The following BICDL1 variants were observed in gnomAD, a reference collection of about 807,000 sequenced individuals.
BICDL1 encodes the protein BICD family-like cargo adapter 1.
Under a neutral mutation model 76.8 loss-of-function variants are expected in BICDL1, and 20 were observed. That is an observed-to-expected ratio of 0.26 (90% CI 0.18 to 0.38). The LOEUF (loss-of-function observed/expected upper bound fraction) is 0.38. Among genes scored for constraint, BICDL1 ranks in the 10% least tolerant of loss-of-function variants. The pLI is 1.00. For synonymous variants in BICDL1, 383 were observed against 337.1 expected, an observed-to-expected ratio of 1.14 and a Z score of -1.49; for missense variants, 700 against 798.6, an observed-to-expected ratio of 0.88 and a Z score of 1.49.
intron 2 of BICDL1, among the ~76,000 whole-genome samples, chr12:120,012,631 A>G (rs971582507): frequency 6.6e-6 from 1 of 152,212 alleles, no homozygotes; most frequent in Non-Finnish European, 1.5e-5. Flanking sequence ...TTCCCTTTAC[A>G]TTAATGATAA....
rs1461880544 is a variant in BICDL1 at position 120,094,473 on chromosome 12, G to C, written c.*1312G>C. The C allele has an allele frequency of 9.9e-6, 3 of 303,312 alleles. No individual in the cohort carries two copies. Among genetic ancestry groups the C allele is most frequent in the Middle Eastern group, 1.3e-3 (1 of 800 alleles). 18.8% of individuals were successfully genotyped at this position (303,312 alleles called of 1,614,324 possible). On this transcript the variant is annotated 3_prime_UTR_variant, in exon 10 of 10. Coordinates refer to ENST00000548673, the MANE Select transcript of BICDL1 (RefSeq NM_001367886.1). ...CTTCTTTTGAAAATAGTCTGAATAA[G>C]AATAAAATGAATTTCTACAGAGCTT...
chr12:120,043,125 C>G (rs1300103978), intron 2 of BICDL1, among the ~76,000 whole-genome samples: 1 of 152,186 alleles, frequency 6.6e-6, no homozygotes, highest in Non-Finnish European at 1.5e-5. Flanking sequence ...GTTAACAATG[C>G]TCATCCTGTA....
chr12:120,081,788 A>G (rs1227807915), intron 8 of BICDL1, among the ~76,000 whole-genome samples: 1 of 151,568 alleles, frequency 6.6e-6, no homozygotes, highest in African/African-American at 2.4e-5. Flanking sequence ...CTCAGCCTCA[A>G]TACTAATTAG....
At chr12:120,018,435 C>A (rs1332922227) in intron 2 of BICDL1, among the ~76,000 whole-genome samples, 1 of 152,124 alleles carries the variant, frequency 6.6e-6, no homozygotes, top group East Asian at 1.9e-4. Context: ...TTCAGGTAAG[C>A]CTTTCTTCCA....
At chr12:120,024,990 T>A (rs1202749503) in intron 2 of BICDL1, among the ~76,000 whole-genome samples, 1 of 151,978 alleles carries the variant, frequency 6.6e-6, no homozygotes, top group East Asian at 1.9e-4. Flanking sequence ...GTCCTTCTTC[T>A]TTAAAGTGTG....
intron 8 of BICDL1, among the ~76,000 whole-genome samples, chr12:120,083,234 C>A (rs934084453): frequency 2.0e-5 from 3 of 152,058 alleles, no homozygotes; most frequent in Admixed American, 2.0e-4. Flanking sequence ...TTACATATCC[C>A]CTATTCCCCT....
At chr12:120,070,507 C>G (rs1873003205) in intron 4 of BICDL1, among the ~76,000 whole-genome samples, 1 of 152,044 alleles carries the variant, frequency 6.6e-6, no homozygotes, top group Non-Finnish European at 1.5e-5. Flanking sequence ...TTAATAAGTT[C>G]ATCTGTAAAT....
At chr12:120,009,514 TAGTC>T (rs1951913838) in intron 2 of BICDL1, among the ~76,000 whole-genome samples, 1 of 152,220 alleles carries the variant, frequency 6.6e-6, no homozygotes, top group African/African-American at 2.4e-5. Flanking sequence ...ATGTGGCAGT[TAGTC>T]TTTCTTTTTA....
chr12:120,040,959 A>G (rs949982626), intron 2 of BICDL1, among the ~76,000 whole-genome samples: 3 of 151,442 alleles, frequency 2.0e-5, no homozygotes, highest in African/African-American at 7.3e-5. Context: ...GTTGGCCAGG[A>G]TGGTCTCAAA....
intron 2 of BICDL1, among the ~76,000 whole-genome samples, chr12:120,039,562 C>G (rs1201635809): frequency 7.8e-6 from 1 of 128,276 alleles, no homozygotes; most frequent in Non-Finnish European, 1.6e-5. Flanking sequence ...TGCTTGAACC[C>G]GGGAGGCGGA....
At position 119,998,700 on chromosome 12, in the gene BICDL1, G is replaced by A. The variant is rs748129703; in HGVS notation, c.609G>A (p.Ser203=). Reference sequence around the variant, plus strand: ...AATCACGGGCTGTCCAGGAACTGTCGGAACAGAACCAAAGGCTATTGGATC... The same window carrying A: ...AATCACGGGCTGTCCAGGAACTGTCAGAACAGAACCAAAGGCTATTGGATC... ...REKSRAVQEL[S]EQNQRLLDQL... Residue 203 remains serine, a synonymous_variant, in exon 2 of 10, where the codon TCG becomes TCA. Coordinates refer to ENST00000548673, the MANE Select transcript of BICDL1 (RefSeq NM_001367886.1). 7.4e-6 allele frequency: 12 copies of A among 1,613,938 alleles called. No homozygotes were observed. Among genetic ancestry groups the A allele is most frequent in the Non-Finnish European group, 9.3e-6 (11 of 1,179,996 alleles).
rs919595344 is a variant in BICDL1 at position 120,071,358 on chromosome 12, TCTC to T, written c.910-263_910-261del. Among the ~76,000 whole-genome samples, 3 of 151,996 alleles carry T rather than the reference TCTC, an allele frequency of 2.0e-5. No individual in the cohort carries two copies. The highest frequency in any genetic ancestry group is 7.3e-5 in the African/African-American group (3 of 41,376). ...GGTTTCATCATGTTGGCCAGGCTGG[TCTC>T]ATACTCCTGACCTTAGGTGATCTGC... is the stretch of plus-strand genomic sequence containing the variant. On this transcript the variant is annotated intron_variant, in intron 4 of 9. Transcript: ENST00000548673. The surrounding 1 kb of genome is among the most constrained non-coding windows in gnomAD (Gnocchi z 4.8).
chr12:120,055,901 C>T (rs1294364065), intron 2 of BICDL1, among the ~76,000 whole-genome samples: 1 of 152,164 alleles, frequency 6.6e-6, no homozygotes, highest in Admixed American at 6.6e-5. Context: ...TGTGCGTATT[C>T]TTTTACCCAG....
chr12:119,998,767 A>T (rs1454751076), intron 2 of BICDL1, 31 bp downstream of exon 2: 1 of 1,591,390 alleles, frequency 6.3e-7, no homozygotes, highest in South Asian at 1.1e-5. Flanking sequence ...TTAAGATGTA[A>T]AATACTAAAA....
intron 2 of BICDL1, among the ~76,000 whole-genome samples, chr12:120,024,304 CA>C (rs1285870750): frequency 4.6e-5 from 7 of 151,972 alleles, no homozygotes; most frequent in African/African-American, 1.7e-4. Context: ...ACAAAAAACA[CA>C]GACCTAAATC....
chr12:120,038,834 T>C lies in BICDL1; in HGVS notation c.646-22876T>C, dbSNP rs117264157. ...AATAATACCTGTCTAACAGGGATTA[T>C]TTTGAGGATTTAATGAAATAGTTCA... On this transcript the variant is annotated intron_variant, in intron 2 of 9. Coordinates refer to ENST00000548673, the MANE Select transcript of BICDL1 (RefSeq NM_001367886.1). Among the ~76,000 whole-genome samples the C allele has an allele frequency of 8.8e-3, 1,335 of 152,268 alleles. 11 individuals are homozygous for C. The highest frequency in any genetic ancestry group is 0.014 in the Non-Finnish European group (970 of 68,018).
At chr12:120,065,024 A>G in intron 4 of BICDL1, 145 bp downstream of exon 4, 4 of 842,788 alleles carry the variant, frequency 4.7e-6, no homozygotes, top group Non-Finnish European at 7.3e-6. Context: ...GGCCTGGGGC[A>G]TTCACTAACT....
intron 3 of BICDL1, among the ~76,000 whole-genome samples, chr12:120,063,667 A>G (rs566364620): frequency 3.3e-5 from 5 of 152,328 alleles, no homozygotes; most frequent in African/African-American, 9.6e-5. Flanking sequence ...TATTTTAACC[A>G]TGTCAAGAAA....
chr12:120,011,180 G>A (rs1357672410), intron 2 of BICDL1, among the ~76,000 whole-genome samples: 2 of 152,170 alleles, frequency 1.3e-5, no homozygotes, highest in Non-Finnish European at 2.9e-5. Flanking sequence ...GTAGCAGAAG[G>A]AAAAGAACCT....
Sources: gnomAD v4.1 joint callset for allele counts (sites outside exome capture counted in the v4.1 genomes callset) on GRCh38, gnomAD v4.1.1 for gene constraint, Gnocchi (gnomAD v3.1) non-coding constraint, MANE v1.5 for transcripts, NCBI Gene and HGNC (gene_info 2026-07-23, HGNC 2026-07-21) for gene names.